The following ZNF438 variants were observed in gnomAD, a reference collection of about 807,000 sequenced individuals.
The protein encoded by ZNF438 is zinc finger protein 438.
Under a neutral mutation model 38.0 loss-of-function variants are expected in ZNF438, and 25 were observed. The ratio of observed to expected loss-of-function variants is 0.66; its 90% CI spans 0.48 to 0.92. The LOEUF (loss-of-function observed/expected upper bound fraction) is 0.92. ZNF438 is among the 40% of genes least tolerant of loss of function. The pLI is 0.00. For synonymous variants in ZNF438, 372 were observed against 364.1 expected (o/e 1.02, Z -0.25); for missense variants, 1,007 against 999.6 (o/e 1.01, Z -0.10).
chr10:30,929,061 T>C (rs1249040949), intron 2 of ZNF438, among the ~76,000 whole-genome samples: 1 of 152,202 alleles, frequency 6.6e-6, no homozygotes, highest in Non-Finnish European at 1.5e-5. Flanking sequence ...AATTTTTGTT[T>C]CTATTTCCTT....
chr10:30,913,814 G>T (rs908118519), intron 2 of ZNF438, among the ~76,000 whole-genome samples: 6 of 152,044 alleles, frequency 3.9e-5, no homozygotes, highest in African/African-American at 1.4e-4. Context: ...AACTTCTCTT[G>T]TATCTCCAAC....
Position 30,879,178 on chromosome 10 carries a change from A to G in ZNF438, c.-31-2113T>C, listed in dbSNP as rs900845621. On this transcript the variant is annotated intron_variant, in intron 3 of 5. Transcript: ENST00000413025. The stretch of plus-strand genomic sequence containing the variant: ...GGTCCAAGGTACACTACAGTCACAG[A>G]AGAACGGGAATATTGCCTGTTCCCA... 4.0e-4 allele frequency among the ~76,000 whole-genome samples: 61 copies of G among 152,206 alleles called. 1 individual carries two copies. The highest frequency in any genetic ancestry group is 7.9e-4 in the Non-Finnish European group (54 of 68,032).
At chr10:30,904,256 T>C (rs889181053) in intron 3 of ZNF438, among the ~76,000 whole-genome samples, 1 of 152,246 alleles carries the variant, frequency 6.6e-6, no homozygotes, top group Admixed American at 6.5e-5. Context: ...AAGTTTATCA[T>C]GAAGGAAAAT....
intron 3 of ZNF438, among the ~76,000 whole-genome samples, chr10:30,904,708 C>G (rs1450986205): frequency 6.6e-6 from 1 of 152,142 alleles, no homozygotes. Flanking sequence ...TCACACTGAC[C>G]TTCCTTCCAT....
chr10:30,944,300 G>C (rs1461444509), intron 1 of ZNF438, among the ~76,000 whole-genome samples: 1 of 152,140 alleles, frequency 6.6e-6, no homozygotes, highest in Non-Finnish European at 1.5e-5. Context: ...TGAAGGGGTA[G>C]GAAGACTAGA....
intron 1 of ZNF438, among the ~76,000 whole-genome samples, chr10:31,026,066 T>A (rs997828360): frequency 3.3e-5 from 5 of 152,212 alleles, no homozygotes; most frequent in Non-Finnish European, 7.3e-5. Flanking sequence ...ATTCCTTCCT[T>A]ACACTTTATA....
chr10:30,982,036 G>A (rs1291834440), intron 1 of ZNF438, among the ~76,000 whole-genome samples: 3 of 151,260 alleles, frequency 2.0e-5, no homozygotes, highest in East Asian at 3.9e-4. Context: ...CTTGTTTTGT[G>A]TGAACTATTA....
intron 3 of ZNF438, among the ~76,000 whole-genome samples, chr10:30,893,994 T>C (rs2041024790): frequency 6.6e-6 from 1 of 152,212 alleles, no homozygotes; most frequent in African/African-American, 2.4e-5. Flanking sequence ...ACCACTCAAA[T>C]AATACTGTAC....
chr10:30,872,774 A>C (rs559674002), intron 4 of ZNF438, among the ~76,000 whole-genome samples: 5 of 149,160 alleles, frequency 3.4e-5, no homozygotes, highest in African/African-American at 4.9e-5. Flanking sequence ...AAAAGAATTG[A>C]CTCCAGTAAA....
At chr10:30,888,951 C>G (rs1417688554) in intron 3 of ZNF438, among the ~76,000 whole-genome samples, 1 of 152,220 alleles carries the variant, frequency 6.6e-6, no homozygotes, top group Non-Finnish European at 1.5e-5. Flanking sequence ...AATCACCACA[C>G]TGCTTTCCAC....
At chr10:30,856,936 A>G (rs1175866415) in intron 4 of ZNF438, among the ~76,000 whole-genome samples, 1 of 152,230 alleles carries the variant, frequency 6.6e-6, no homozygotes, top group Non-Finnish European at 1.5e-5. Flanking sequence ...GGAAGTGTTG[A>G]GCCCTTATTA....
intron 3 of ZNF438, among the ~76,000 whole-genome samples, chr10:30,891,516 G>A (rs1202901454): frequency 1.3e-5 from 2 of 152,114 alleles, no homozygotes; most frequent in African/African-American, 4.8e-5. Flanking sequence ...TAGAAGGACT[G>A]CAGCACTCTT....
chr10:30,906,473 G>A (rs1225640409), intron 3 of ZNF438, among the ~76,000 whole-genome samples: 1 of 151,958 alleles, frequency 6.6e-6, no homozygotes, highest in Non-Finnish European at 1.5e-5. Flanking sequence ...GAATTTTTTA[G>A]TGGATTCCTT....
intron 1 of ZNF438, among the ~76,000 whole-genome samples, chr10:31,023,203 T>C (rs1589759705): frequency 6.6e-6 from 1 of 152,198 alleles, no homozygotes; most frequent in African/African-American, 2.4e-5. Flanking sequence ...CCAAGTAACA[T>C]TCAAAAAGTA....
intron 2 of ZNF438, among the ~76,000 whole-genome samples, chr10:30,926,986 A>T (rs1266580554): frequency 2.6e-5 from 4 of 152,226 alleles, no homozygotes; most frequent in Non-Finnish European, 5.9e-5. Context: ...AAAAATAAGG[A>T]AACAAAGAAA....
intron 1 of ZNF438, among the ~76,000 whole-genome samples, chr10:30,979,168 G>GCACCTA (rs1474209313): frequency 6.6e-6 from 1 of 152,176 alleles, no homozygotes; most frequent in East Asian, 1.9e-4. Context: ...CAATGAAAAT[G>GCACCTA]CACCTAGTCA....
intron 4 of ZNF438, among the ~76,000 whole-genome samples, chr10:30,862,934 A>G (rs573858714): frequency 5.3e-5 from 8 of 152,376 alleles, no homozygotes; most frequent in African/African-American, 1.9e-4. Context: ...ATTTTTGAGG[A>G]ATGTGCAAAC....
chr10:30,857,261 T>C (rs1368766182), intron 4 of ZNF438, among the ~76,000 whole-genome samples: 11 of 150,020 alleles, frequency 7.3e-5, no homozygotes, highest in South Asian at 6.3e-4. Flanking sequence ...AAAATTTCTT[T>C]TTTTTTTTTT....
chr10:30,914,382 T>C (rs1291913351), intron 2 of ZNF438, among the ~76,000 whole-genome samples: 1 of 151,988 alleles, frequency 6.6e-6, no homozygotes, highest in East Asian at 1.9e-4. Context: ...GTGATGGAAA[T>C]GTTCATCTTG....
Sources: allele counts gnomAD v4.1 joint callset (sites outside exome capture counted in the v4.1 genomes callset), GRCh38; gene constraint gnomAD v4.1.1; transcripts MANE v1.5; gene names NCBI Gene and HGNC (gene_info 2026-07-23, HGNC 2026-07-21).